The following LCT variants were observed in gnomAD, a reference collection of about 807,000 sequenced individuals.
LCT encodes lactase/phlorizin hydrolase.
Under a neutral mutation model 173.0 loss-of-function variants are expected in LCT, and 90 were observed. The observed-to-expected ratio is 0.52, with a 90% confidence interval of 0.44 to 0.62. The LOEUF (loss-of-function observed/expected upper bound fraction) is 0.62, where lower values mean the gene tolerates loss of function less well. Among genes scored for constraint, LCT ranks in the 20% least tolerant of loss-of-function variants. LCT has a pLI of 0.00. For synonymous variants in LCT, 853 were observed against 957.6 expected, an observed-to-expected ratio of 0.89 and a Z score of 2.02; for missense variants, 1,864 against 2,431.4, an observed-to-expected ratio of 0.77 and a Z score of 4.91.
At chr2:135,822,232 C>T in intron 4 of LCT, 134 bp from the exon 5 acceptor site, 1 of 693,770 alleles carries the variant, frequency 1.4e-6, no homozygotes, top group South Asian at 1.6e-5. Context: ...TTGGAAAATA[C>T]CATGGGCTAA....
At position 135,799,496 on chromosome 2, in the gene LCT, G is replaced by A. The variant is rs80098128; in HGVS notation, c.4866+1111C>T. On this transcript the variant is annotated intron_variant, in intron 12 of 16. Transcript: ENST00000264162. ...CCTGCTTCCTTTTTTTTTTTTTTTG[G>A]AGATGGAGTCTCTCTCCATTGCTCA... Among the ~76,000 whole-genome samples the A allele has an allele frequency of 4.0e-5, 6 of 149,304 alleles. No homozygotes were observed. In the East Asian group the frequency reaches 1.2e-3, roughly 29 times the overall value.
chr2:135,810,086 C>G, intron 7 of LCT, 93 bp from the exon 8 acceptor site: 1 of 887,706 alleles, frequency 1.1e-6, no homozygotes, highest in Non-Finnish European at 1.8e-6. Flanking sequence ...GTCTCAAACT[C>G]CTGGACTCAA....
In LCT at chr2:135,788,084, C is replaced by T. The variant is rs1019721855; in HGVS notation, c.*240G>A. ...CACTAGACCAGTATCTACACGTTTCCGCAAGAGCTACTTGCTTCTCAAATG... is the reference window on the plus strand; with the variant it reads ...CACTAGACCAGTATCTACACGTTTCTGCAAGAGCTACTTGCTTCTCAAATG... On this transcript the variant is annotated 3_prime_UTR_variant, in exon 17 of 17. Coordinates refer to ENST00000264162, the MANE Select transcript of LCT (RefSeq NM_002299.4). 2.0e-5 allele frequency: 11 copies of T among 545,660 alleles called. No homozygotes were observed. Among genetic ancestry groups the T allele is most frequent in the Non-Finnish European group, 2.0e-5 (6 of 303,674 alleles). The allele number at this position is 545,660 out of a possible 1,614,324, so 33.8% of individuals were successfully genotyped here.
intron 12 of LCT, among the ~76,000 whole-genome samples, chr2:135,799,611 C>T (rs557574167): frequency 1.3e-5 from 2 of 152,082 alleles, no homozygotes; most frequent in African/African-American, 2.4e-5. Flanking sequence ...CACCACACCT[C>T]GGTAATTTTT....
At chr2:135,832,170 C>T (rs1277968435) in intron 2 of LCT, among the ~76,000 whole-genome samples, 6 of 151,700 alleles carry the variant, frequency 4.0e-5, no homozygotes, top group Non-Finnish European at 5.9e-5. Context: ...GAGCCGAGAT[C>T]GTGCCACTGC....
chr2:135,801,373 T>A (rs2077626493), intron 11 of LCT, among the ~76,000 whole-genome samples: 1 of 152,080 alleles, frequency 6.6e-6, no homozygotes. Context: ...TTCAAACCAA[T>A]GTTATATTCA....
At chr2:135,801,631 C>T (rs1156969521) in intron 11 of LCT, among the ~76,000 whole-genome samples, 2 of 151,616 alleles carry the variant, frequency 1.3e-5, no homozygotes, top group African/African-American at 2.4e-5. Flanking sequence ...AGGAGAATCA[C>T]TCGAATCCAG....
chr2:135,816,709 A>G (rs549741087), intron 6 of LCT, among the ~76,000 whole-genome samples: 1 of 152,284 alleles, frequency 6.6e-6, no homozygotes, highest in African/African-American at 2.4e-5. Context: ...ACTCGGACTC[A>G]AATCCTGACT....
chr2:135,829,520 G>A, intron 3 of LCT, 73 bp downstream of exon 3: 2 of 1,109,686 alleles, frequency 1.8e-6, no homozygotes, highest in Non-Finnish European at 1.4e-6. Context: ...AGTAGCCAAA[G>A]CATTAAATGT....
chr2:135,793,640 G>A (rs1257748225), intron 14 of LCT, among the ~76,000 whole-genome samples: 3 of 152,170 alleles, frequency 2.0e-5, no homozygotes, highest in Non-Finnish European at 4.4e-5. Flanking sequence ...TGAATTGCCA[G>A]ATAAAGAATT....
At chr2:135,836,005 T>TATATATATATATATATATATAC (rs1558748623) in intron 1 of LCT, among the ~76,000 whole-genome samples, 2 of 18,392 alleles carry the variant, frequency 1.1e-4, no homozygotes, top group African/African-American at 1.7e-4. Flanking sequence ...TATATATATA[T>TATATATATATATATATATATAC]ATATATATAT....
rs767299161 is a variant in LCT, at chr2:135,817,962, G to C, written c.1086C>G (p.Ile362Met). 6 of 1,613,908 alleles carry C rather than the reference G, an allele frequency of 3.7e-6. No individual in the cohort carries two copies. The Middle Eastern group carries it at 6.6e-4, about 177-fold the overall frequency. The change falls in exon 6 of 17, where the codon ATC becomes ATG. Residue 362 changes from isoleucine (I) to methionine (M), a missense_variant. Transcript: ENST00000264162. ...TGGACTGATTGGCAAATGCTTCCCA[G>C]ATTCTCTGATAGGCAGAGGCAGGAG... ...DSSPASAYQR[I>M]WEAFANQSRA...
At chr2:135,815,589 C>T (rs542637958) in intron 6 of LCT, among the ~76,000 whole-genome samples, 3 of 152,224 alleles carry the variant, frequency 2.0e-5, no homozygotes, top group Admixed American at 1.3e-4. Context: ...AATTTTGCTA[C>T]GTGTGTTAGT....
In LCT at chr2:135,808,424, G is replaced by A. The variant is rs2077695214; in HGVS notation, c.3904+19C>T. 3 of 1,575,950 alleles carry A rather than the reference G, an allele frequency of 1.9e-6. No homozygotes were observed. The highest frequency in any genetic ancestry group is 1.7e-4 in the Middle Eastern group (1 of 6,030). Reference sequence around the variant, plus strand: ...GAATGTTGGAAGATTTCTTTAAGGGGAACTGAACCCTCACACACCTTTCAA... The same window carrying A: ...GAATGTTGGAAGATTTCTTTAAGGGAAACTGAACCCTCACACACCTTTCAA... On this transcript the variant is annotated intron_variant, in intron 8 of 16. Coordinates refer to ENST00000264162, the MANE Select transcript of LCT (RefSeq NM_002299.4).
chr2:135,798,085 C>T lies in LCT; in HGVS notation c.4920G>A (p.Glu1640=). 1 of 1,613,454 alleles carries T rather than the reference C, an allele frequency of 6.2e-7. No individual in the cohort carries two copies. The highest frequency in any genetic ancestry group is 1.1e-5 in the South Asian group (1 of 91,064). Residue 1640 remains glutamate (E), a synonymous_variant, in exon 13 of 17, where the codon GAG becomes GAA. Transcript: ENST00000264162. ...TGTCACGGATCCGCGTCTTCATCACCTCATTGTAATCTCCATTCTTGAAAA... is the reference window on the plus strand; with the variant it reads ...TGTCACGGATCCGCGTCTTCATCACTTCATTGTAATCTCCATTCTTGAAAA... ...HPIFKNGDYN[E]VMKTRIRDRS...
At position 135,833,196 on chromosome 2, in the gene LCT, A is replaced by G. The variant is rs1396681039; in HGVS notation, c.641-6T>C. On this transcript the variant is annotated splice_region_variant and splice_polypyrimidine_tract_variant and intron_variant, in intron 1 of 16. Transcript: ENST00000264162. ...GACAACAGAGAGTTTTCCGCCTGAA[A>G]CCAACCAGAGACACGAACAGCAGGT... The G allele has an allele frequency of 6.2e-7, 1 of 1,612,884 alleles. No homozygotes were observed.
chr2:135,799,164 A>T (rs1389367581), intron 12 of LCT, among the ~76,000 whole-genome samples: 1 of 152,166 alleles, frequency 6.6e-6, no homozygotes, highest in African/African-American at 2.4e-5. Flanking sequence ...CCTTCGTTGC[A>T]TTTATTAATT....
At chr2:135,831,450 G>C (rs1414088746) in intron 2 of LCT, among the ~76,000 whole-genome samples, 4 of 152,170 alleles carry the variant, frequency 2.6e-5, no homozygotes, top group Non-Finnish European at 5.9e-5. Flanking sequence ...CCACTCGGAA[G>C]TGTGGCTTCC....
chr2:135,822,177 G>A (rs904833984), intron 4 of LCT, 79 bp from the exon 5 acceptor site: 23 of 887,496 alleles, frequency 2.6e-5, no homozygotes, highest in Middle Eastern at 2.1e-4. Flanking sequence ...AGTTTTCCTC[G>A]CTCATACGAC....
Sources: allele counts gnomAD v4.1 joint callset (sites outside exome capture counted in the v4.1 genomes callset), GRCh38; gene constraint gnomAD v4.1.1; transcripts MANE v1.5; gene names NCBI Gene and HGNC (gene_info 2026-07-23, HGNC 2026-07-21).